TNFRSF8: variants seen among roughly 807,000 people sequenced by gnomAD.
The protein encoded by TNFRSF8 is tumor necrosis factor receptor superfamily member 8.
In TNFRSF8, 26 loss-of-function variants were observed where a neutral mutation model predicts 70.8. The ratio of observed to expected loss-of-function variants is 0.37; its 90% CI spans 0.27 to 0.51. TNFRSF8 has a LOEUF of 0.51. Among genes scored for constraint, TNFRSF8 ranks in the 20% least tolerant of loss-of-function variants. The pLI is 0.94. For missense variants in TNFRSF8, 720 were observed against 807.9 expected (o/e 0.89, Z 1.32); for synonymous variants, 356 against 339.2 (o/e 1.05, Z -0.54).
intron 1 of TNFRSF8, among the ~76,000 whole-genome samples, chr1:12,070,154 G>C (rs972579715): frequency 5.4e-5 from 6 of 112,094 alleles, no homozygotes; most frequent in African/African-American, 2.0e-4. Flanking sequence ...GTGGGGGGCT[G>C]GGGGATTGGG....
chr1:12,092,730 G>A (rs1359113941), intron 2 of TNFRSF8, among the ~76,000 whole-genome samples: 1 of 151,778 alleles, frequency 6.6e-6, no homozygotes, highest in Non-Finnish European at 1.5e-5. Context: ...GGATGGTCTC[G>A]ATCTCCTGAC....
chr1:12,100,953 T>C (rs1641412097), intron 3 of TNFRSF8, among the ~76,000 whole-genome samples: 1 of 121,312 alleles, frequency 8.2e-6, no homozygotes, highest in South Asian at 2.6e-4. Flanking sequence ...TGAGACTCTG[T>C]CTCAAAAAAA....
chr1:12,086,955 G>T (rs897910652), intron 2 of TNFRSF8, among the ~76,000 whole-genome samples: 1 of 151,758 alleles, frequency 6.6e-6, no homozygotes, highest in Non-Finnish European at 1.5e-5. Context: ...TGAACTTTGT[G>T]GGGGACACAA....
At chr1:12,128,146 G>A (rs1470795890) in intron 12 of TNFRSF8, among the ~76,000 whole-genome samples, 2 of 152,246 alleles carry the variant, frequency 1.3e-5, no homozygotes, top group South Asian at 2.1e-4. Flanking sequence ...TTATTGGTTC[G>A]TTCATTCATC....
intron 13 of TNFRSF8, among the ~76,000 whole-genome samples, chr1:12,136,649 G>GAAA (rs55656730): frequency 4.5e-4 from 55 of 122,344 alleles, no homozygotes; most frequent in Non-Finnish European, 6.8e-4. Flanking sequence ...GACTCCATCT[G>GAAA]AAAAAAAAAA....
rs948804795 is a variant in TNFRSF8 at position 12,104,436 on chromosome 1, G to T, written c.326G>T (p.Arg109Leu). The change falls in exon 4 of 15, where the codon CGA (arginine) becomes CTA (leucine). Residue 109 changes from arginine to leucine, a missense_variant. Arg to Leu is a moderately radical substitution (Grantham distance 102, BLOSUM62 -2). Transcript: ENST00000263932. ...AWNSSRVCEC[R>L]PGMFCSTSAV... Reference sequence around the variant, plus strand: ...AACTCCTCCCGTGTCTGCGAATGTCGACCCGGCATGTTCTGTTCCACGTCT... The same window carrying T: ...AACTCCTCCCGTGTCTGCGAATGTCTACCCGGCATGTTCTGTTCCACGTCT... 1 of 1,614,046 alleles carries T rather than the reference G, an allele frequency of 6.2e-7. No individual in the cohort carries two copies.
chr1:12,107,650 A>G (rs577758193), intron 4 of TNFRSF8, among the ~76,000 whole-genome samples: 1 of 152,136 alleles, frequency 6.6e-6, no homozygotes, highest in Non-Finnish European at 1.5e-5. Flanking sequence ...TGTGACTCGC[A>G]TATCTCTGTT....
rs1557610555 is a variant in TNFRSF8, at chr1:12,142,413, C to A, written c.1670C>A (p.Thr557Asn). 1 of 1,612,512 alleles carries A rather than the reference C, an allele frequency of 6.2e-7. No homozygotes were observed. Among genetic ancestry groups the A allele is most frequent in the East Asian group, 2.2e-5 (1 of 44,858 alleles). The change falls in exon 15 of 15, where the codon ACC becomes AAC. Residue 557 changes from threonine (T) to asparagine (N), a missense_variant. Coordinates refer to ENST00000263932, the MANE Select transcript of TNFRSF8 (RefSeq NM_001243.5). This position sits in a 1 kb window ranked among gnomAD's most constrained non-coding sequence, Gnocchi z 5.0. Reference sequence around the variant, plus strand: ...GAGGAGGAGCTGGAGGCGGACCATACCCCCCACTACCCCGAGCAGGAGACA... The same window carrying A: ...GAGGAGGAGCTGGAGGCGGACCATAACCCCCACTACCCCGAGCAGGAGACA... ...ELEEELEADH[T>N]PHYPEQETEP...
Position 12,126,059 on chromosome 1 carries a change from G to A in TNFRSF8, c.1255+7G>A, listed in dbSNP as rs1387731384. The A allele has an allele frequency of 6.2e-7, 1 of 1,613,928 alleles. No individual in the cohort carries two copies. The highest frequency in any genetic ancestry group is 8.5e-7 in the Non-Finnish European group (1 of 1,179,882). ...AGGAAGCGAATTCGGCAGAGTAAGT[G>A]GCTGTGTCCTTGGGGCCTTGGGGAG... is the stretch of plus-strand genomic sequence containing the variant. On this transcript the variant is annotated splice_region_variant and intron_variant, in intron 11 of 14. Transcript: ENST00000263932.
chr1:12,097,917 A>G (rs569724294), intron 3 of TNFRSF8, among the ~76,000 whole-genome samples: 37 of 152,312 alleles, frequency 2.4e-4, no homozygotes, highest in African/African-American at 8.7e-4. Context: ...TAATTGTGTT[A>G]TTTAAATAAT....
intron 8 of TNFRSF8, among the ~76,000 whole-genome samples, chr1:12,120,670 T>A (rs1044350975): frequency 9.2e-5 from 14 of 152,184 alleles, no homozygotes; most frequent in African/African-American, 1.4e-4. Flanking sequence ...ATATTTTTTT[T>A]AGTTCTTAAA....
At position 12,138,620 on chromosome 1, in the gene TNFRSF8, T is replaced by C. The variant is rs1642197616; in HGVS notation, c.1543+184T>C. Among the ~76,000 whole-genome samples the C allele has an allele frequency of 6.6e-6, 1 of 152,178 alleles. No individual in the cohort carries two copies. The highest frequency in any genetic ancestry group is 1.5e-5 in the Non-Finnish European group (1 of 68,022). On this transcript the variant is annotated intron_variant, in intron 14 of 14. Coordinates refer to ENST00000263932, the MANE Select transcript of TNFRSF8 (RefSeq NM_001243.5). The surrounding 1 kb of genome is among the most constrained non-coding windows in gnomAD (Gnocchi z 5.7). ...AGGGACAGCGAGGGTACTTACCTCG[T>C]AGGCCATTGTGCGGATTCATGAGCC...
At position 12,110,352 on chromosome 1, in the gene TNFRSF8, C is replaced by T; in HGVS notation, c.676+148C>T. 1.2e-6 allele frequency: 1 copy of T among 851,500 alleles called. No individual in the cohort carries two copies. Among genetic ancestry groups the T allele is most frequent in the Non-Finnish European group, 1.7e-6 (1 of 582,650 alleles). 52.7% of individuals were successfully genotyped at this position (851,500 alleles called of 1,614,324 possible). A position where few individuals can be genotyped will look rare whatever the true frequency, so the allele number is the denominator to read the frequency against. On this transcript the variant is annotated intron_variant, in intron 6 of 14. Transcript: ENST00000263932. This position sits in a 1 kb window ranked among gnomAD's most constrained non-coding sequence, Gnocchi z 4.0. ...GACGGTGGTAAGGTATGATCTAGGG[C>T]TGAAAGCATTGAGGGGCAGAGGTAG...
chr1:12,138,339 C>T lies in TNFRSF8; in HGVS notation c.1446C>T (p.Ser482=). The T allele has an allele frequency of 6.2e-7, 1 of 1,613,762 alleles. No homozygotes were observed. ...GCGTGGGGGCAGCCTACCTGGAGAGCCTGCCGCTGCAGGATGCCAGCCCGG... is the reference window on the plus strand; with the variant it reads ...GCGTGGGGGCAGCCTACCTGGAGAGTCTGCCGCTGCAGGATGCCAGCCCGG... ...CHSVGAAYLE[S]LPLQDASPAG... The change falls in exon 14 of 15, where the codon AGC becomes AGT. Residue 482 remains serine, a synonymous_variant. Coordinates refer to ENST00000263932, the MANE Select transcript of TNFRSF8 (RefSeq NM_001243.5). This position sits in a 1 kb window ranked among gnomAD's most constrained non-coding sequence, Gnocchi z 5.7.
chr1:12,109,501 G>C lies in TNFRSF8; in HGVS notation c.422-65G>C. The C allele has an allele frequency of 1.5e-6, 2 of 1,348,990 alleles. No individual in the cohort carries two copies. Among genetic ancestry groups the C allele is most frequent in the Non-Finnish European group, 2.1e-6 (2 of 950,592 alleles). 83.6% of individuals were successfully genotyped at this position (1,348,990 alleles called of 1,614,324 possible). Reference sequence around the variant, plus strand: ...CCGACTCTGGCCTGTGGTAGTGAAGGGTGTATTCCGGGAGACTTTGGGTCC... The same window carrying C: ...CCGACTCTGGCCTGTGGTAGTGAAGCGTGTATTCCGGGAGACTTTGGGTCC... On this transcript the variant is annotated intron_variant, in intron 4 of 14. Coordinates refer to ENST00000263932, the MANE Select transcript of TNFRSF8 (RefSeq NM_001243.5). This position sits in a 1 kb window ranked among gnomAD's most constrained non-coding sequence, Gnocchi z 4.4.
At chr1:12,075,816 A>T (rs373215761) in intron 1 of TNFRSF8, among the ~76,000 whole-genome samples, 1 of 152,228 alleles carries the variant, frequency 6.6e-6, no homozygotes. Flanking sequence ...CCAAAACATC[A>T]GCCTAACGGC....
intron 13 of TNFRSF8, among the ~76,000 whole-genome samples, chr1:12,136,870 CTTTTTTTTTTT>C (rs201470263): frequency 1.7e-5 from 2 of 118,696 alleles, no homozygotes; most frequent in African/African-American, 6.3e-5. Context: ...ATACTCAGTT[CTTTTTTTTTTT>C]TTTTTTTTTT....
intron 1 of TNFRSF8, among the ~76,000 whole-genome samples, chr1:12,071,416 G>A (rs969317309): frequency 6.6e-6 from 1 of 152,186 alleles, no homozygotes; most frequent in South Asian, 2.1e-4. Context: ...TCCAGCCTGG[G>A]TGACAGAGCA....
Position 12,138,374 on chromosome 1 carries a change from C to T in TNFRSF8, c.1481C>T (p.Pro494Leu), listed in dbSNP as rs761251082. Residue 494 changes from proline (P) to leucine (L), a missense_variant, in exon 14 of 15, where the codon CCC becomes CTC. Pro to Leu is a moderately conservative substitution (Grantham distance 98, BLOSUM62 -3). Transcript: ENST00000263932. This position sits in a 1 kb window ranked among gnomAD's most constrained non-coding sequence, Gnocchi z 5.7. Reference sequence around the variant, plus strand: ...CAGGATGCCAGCCCGGCCGGGGGCCCCTCGTCCCCCAGGGACCTTCCTGAG... The same window carrying T: ...CAGGATGCCAGCCCGGCCGGGGGCCTCTCGTCCCCCAGGGACCTTCCTGAG... ...PLQDASPAGG[P>L]SSPRDLPEPR... 4.3e-6 allele frequency: 7 copies of T among 1,613,510 alleles called. No homozygotes were observed. Among genetic ancestry groups the T allele is most frequent in the South Asian group, 1.1e-5 (1 of 91,054 alleles).
Sources: allele counts gnomAD v4.1 joint callset (sites outside exome capture counted in the v4.1 genomes callset), GRCh38; gene constraint gnomAD v4.1.1; non-coding constraint Gnocchi (gnomAD v3.1); transcripts MANE v1.5; gene names NCBI Gene and HGNC (gene_info 2026-07-23, HGNC 2026-07-21).